ICA1: variants seen among roughly 807,000 people sequenced by gnomAD.
The protein encoded by ICA1 is islet cell autoantigen 1, also known as 69 kDa islet cell autoantigen.
In ICA1, 40 loss-of-function variants were observed where a neutral mutation model predicts 71.0. The observed-to-expected ratio is 0.56, with a 90% CI of 0.44 to 0.73. The LOEUF (loss-of-function observed/expected upper bound fraction) is 0.73. ICA1 is among the 30% of genes least tolerant of loss of function. ICA1 has a pLI of 0.00. For synonymous variants in ICA1, 207 were observed against 209.5 expected, an observed-to-expected ratio of 0.99 and a Z score of 0.10; for missense variants, 578 against 576.5, an observed-to-expected ratio of 1.00 and a Z score of -0.03.
At chr7:8,168,237 G>T (rs1197593950) in intron 6 of ICA1, among the ~76,000 whole-genome samples, 1 of 152,076 alleles carries the variant, frequency 6.6e-6, no homozygotes, top group Admixed American at 6.6e-5. Context: ...CATATGAAAG[G>T]ATCTAAGAAG....
At chr7:8,156,285 GC>G (rs1372219762) in intron 8 of ICA1, among the ~76,000 whole-genome samples, 4 of 152,224 alleles carry the variant, frequency 2.6e-5, no homozygotes, top group Admixed American at 2.6e-4. Context: ...GTCTTGTCAA[GC>G]AAGGTGATGA....
In ICA1 at chr7:8,128,156, C is replaced by A. The variant is rs1290941298; in HGVS notation, c.1061-14G>T. Reference sequence around the variant, plus strand: ...GTCCCAGGCAAGCTGATTGAAGTAACAGAGAACAAAACGTCACCACGGAGG... The same window carrying A: ...GTCCCAGGCAAGCTGATTGAAGTAAAAGAGAACAAAACGTCACCACGGAGG... On this transcript the variant is annotated splice_polypyrimidine_tract_variant and intron_variant, in intron 12 of 13. Transcript: ENST00000402384. 1.1e-5 allele frequency: 17 copies of A among 1,612,006 alleles called. No individual in the cohort carries two copies. Among genetic ancestry groups the A allele is most frequent in the Non-Finnish European group, 1.4e-5 (17 of 1,178,576 alleles).
chr7:8,142,520 C>T (rs1232164503), intron 9 of ICA1, among the ~76,000 whole-genome samples: 1 of 152,132 alleles, frequency 6.6e-6, no homozygotes, highest in African/African-American at 2.4e-5. Flanking sequence ...AGGTAATCCA[C>T]TTCCAAGTAA....
intron 1 of ICA1, among the ~76,000 whole-genome samples, chr7:8,251,952 T>C (rs1195660876): frequency 6.6e-6 from 1 of 152,142 alleles, no homozygotes; most frequent in Non-Finnish European, 1.5e-5. Flanking sequence ...GTGAATTTTG[T>C]GCTACACCAA....
intron 1 of ICA1, among the ~76,000 whole-genome samples, chr7:8,237,819 G>GACACACACACAC (rs57343882): frequency 0.016 from 2,294 of 142,118 alleles, 21 homozygotes; most frequent in Admixed American, 0.023. Context: ...GTTGAAGACA[G>GACACACACACAC]ACACACACAC....
rs528459024 is a variant in ICA1 at position 8,135,226 on chromosome 7, T to C, written c.1060+3614A>G. ...ATTTTTAGTAGAGACAGGGTTTCATTATGTTGGCAAGGCTGGTCTCGAACT... is the reference window on the plus strand; with the variant it reads ...ATTTTTAGTAGAGACAGGGTTTCATCATGTTGGCAAGGCTGGTCTCGAACT... On this transcript the variant is annotated intron_variant, in intron 12 of 13. Coordinates refer to ENST00000402384, the MANE Select transcript of ICA1 (RefSeq NM_001136020.3). Among the ~76,000 whole-genome samples, 12 of 152,060 alleles carry C rather than the reference T, an allele frequency of 7.9e-5. 1 individual carries two copies. The East Asian group carries it at 1.9e-3, about 25-fold the overall frequency.
chr7:8,245,032 C>G (rs576940001), intron 1 of ICA1, among the ~76,000 whole-genome samples: 66 of 152,254 alleles, frequency 4.3e-4, no homozygotes, highest in African/African-American at 1.6e-3. Context: ...ACTAGAAATA[C>G]CATTTGACCC....
chr7:8,149,683 T>G (rs924846461), intron 8 of ICA1, among the ~76,000 whole-genome samples: 3 of 152,256 alleles, frequency 2.0e-5, no homozygotes, highest in Non-Finnish European at 4.4e-5. Flanking sequence ...AACTGAGTAG[T>G]ATCTTCTCTA....
At chr7:8,120,122 G>A (rs1786300828) in intron 13 of ICA1, among the ~76,000 whole-genome samples, 1 of 152,124 alleles carries the variant, frequency 6.6e-6, no homozygotes, top group South Asian at 2.1e-4. Context: ...AAGATGACGG[G>A]AACAGTACAC....
intron 6 of ICA1, among the ~76,000 whole-genome samples, chr7:8,213,511 T>C (rs1381559985): frequency 6.6e-6 from 1 of 152,222 alleles, no homozygotes; most frequent in Non-Finnish European, 1.5e-5. Flanking sequence ...AGGAAAGGCC[T>C]TCGTCCTACA....
intron 8 of ICA1, among the ~76,000 whole-genome samples, chr7:8,148,533 C>T (rs548164972): frequency 6.6e-6 from 1 of 152,122 alleles, no homozygotes; most frequent in Admixed American, 6.5e-5. Flanking sequence ...ATCGTAAGAA[C>T]TTAACTCTTG....
rs147304531 is a variant in ICA1 at position 8,119,795 on chromosome 7, G to A, written c.1331-5751C>T. ...CGGGAGGCGGAGGTTGCAGTGAGCC[G>A]AGATCGTGCCACTGTACTCCAGCCT... On this transcript the variant is annotated intron_variant, in intron 13 of 13. Transcript: ENST00000402384. 5.4e-3 allele frequency among the ~76,000 whole-genome samples: 817 copies of A among 152,294 alleles called. 9 individuals are homozygous for A. The highest frequency in any genetic ancestry group is 0.018 in the African/African-American group (758 of 41,566).
intron 6 of ICA1, among the ~76,000 whole-genome samples, chr7:8,180,659 G>T (rs1183798347): frequency 2.0e-5 from 3 of 152,094 alleles, no homozygotes; most frequent in Non-Finnish European, 4.4e-5. Flanking sequence ...GATACTGTCA[G>T]TCCTTTAAAT....
chr7:8,185,940 A>G (rs533120568), intron 6 of ICA1, among the ~76,000 whole-genome samples: 1 of 152,368 alleles, frequency 6.6e-6, no homozygotes, highest in South Asian at 2.1e-4. Flanking sequence ...CACTTTGTTA[A>G]TCAGACACAG....
chr7:8,238,194 C>T (rs1195853416), intron 1 of ICA1, among the ~76,000 whole-genome samples: 3 of 152,164 alleles, frequency 2.0e-5, no homozygotes, highest in Admixed American at 6.5e-5. Context: ...ATACAGTTCT[C>T]TACTTAATTT....
intron 1 of ICA1, among the ~76,000 whole-genome samples, chr7:8,245,534 T>C (rs1805662251): frequency 6.6e-6 from 1 of 152,164 alleles, no homozygotes; most frequent in African/African-American, 2.4e-5. Context: ...GTTGTGCTCA[T>C]GTACCCTAGA....
At position 8,162,728 on chromosome 7, in the gene ICA1, C is replaced by T. The variant is rs1804342247; in HGVS notation, c.580-4076G>A. Among the ~76,000 whole-genome samples the T allele has an allele frequency of 3.3e-5, 5 of 152,206 alleles. No homozygotes were observed. The South Asian group carries it at 1.0e-3, about 32-fold the overall frequency. ...ATTTCTTAGTTTTATTTCTGTTACC[C>T]CATCTATCTTCTCTTATTCTCCAAG... On this transcript the variant is annotated intron_variant, in intron 6 of 13. Transcript: ENST00000402384.
chr7:8,256,177 G>A (rs1810086057), intron 1 of ICA1, among the ~76,000 whole-genome samples: 1 of 152,188 alleles, frequency 6.6e-6, no homozygotes. Context: ...TAGGCCTTAA[G>A]AGGCAATGCT....
intron 3 of ICA1, 100 bp from the exon 4 acceptor site, chr7:8,228,773 C>G: frequency 1.4e-6 from 1 of 697,792 alleles, no homozygotes. Flanking sequence ...TTGCCAAAAA[C>G]AAGACCACAT....
Sources: allele counts gnomAD v4.1 joint callset (sites outside exome capture counted in the v4.1 genomes callset), GRCh38; gene constraint gnomAD v4.1.1; transcripts MANE v1.5; gene names NCBI Gene and HGNC (gene_info 2026-07-23, HGNC 2026-07-21).